The following DCP2 variants were observed in gnomAD, a reference collection of about 807,000 sequenced individuals.
DCP2 encodes the protein decapping mRNA 2.
DCP2 carries 30 observed loss-of-function variants against 56.1 expected under a neutral mutation model. The ratio of observed to expected loss-of-function variants is 0.53; its 90% confidence interval spans 0.40 to 0.73. The LOEUF (loss-of-function observed/expected upper bound fraction) is 0.73, where lower values mean the gene tolerates loss of function less well. Among genes scored for constraint, DCP2 ranks in the 30% least tolerant of loss-of-function variants. The pLI is 0.00. For synonymous variants in DCP2, 197 were observed against 163.3 expected (o/e 1.21, Z -1.57); for missense variants, 533 against 502.7 (o/e 1.06, Z -0.58).
chr5:112,983,096 C>T (rs769000709), intron 1 of DCP2, among the ~76,000 whole-genome samples: 10 of 152,226 alleles, frequency 6.6e-5, no homozygotes, highest in Non-Finnish European at 1.2e-4. Context: ...ATCACACAGA[C>T]TGCCATGCCA....
chr5:113,003,530 C>G (rs1319870502), intron 7 of DCP2, among the ~76,000 whole-genome samples: 3 of 152,062 alleles, frequency 2.0e-5, no homozygotes, highest in Non-Finnish European at 2.9e-5. Context: ...GAGCTGTGAT[C>G]CTGCCACTGC....
chr5:112,980,312 A>G (rs1291094856), intron 1 of DCP2, among the ~76,000 whole-genome samples: 1 of 152,178 alleles, frequency 6.6e-6, no homozygotes, highest in Admixed American at 6.5e-5. Context: ...GAAGAAAGGT[A>G]TTTTCTGGCA....
In DCP2 at chr5:113,001,595, T is replaced by C. The variant is rs1216954875; in HGVS notation, c.727T>C (p.Phe243Leu). Residue 243 changes from phenylalanine to leucine, a missense_variant, in exon 7 of 11, where the codon TTT (phenylalanine) becomes CTT (leucine). Phe to Leu is a conservative substitution (Grantham distance 22, BLOSUM62 0). Coordinates refer to ENST00000389063, the MANE Select transcript of DCP2 (RefSeq NM_152624.6). ...RPLRDWLSRRFGDSSDSDNGF... is the reference protein window; with the variant it reads ...RPLRDWLSRRLGDSSDSDNGF... ...ATTAAGGGACTGGCTTTCTCGAAGA[T>C]TTGGCGATTCCTCAGACAGTGACAA... 3.1e-6 allele frequency: 5 copies of C among 1,614,046 alleles called. No individual in the cohort carries two copies. The African/African-American group carries it at 5.3e-5, about 17-fold the overall frequency.
intron 4 of DCP2, among the ~76,000 whole-genome samples, chr5:112,998,374 G>T (rs532014629): frequency 6.6e-6 from 1 of 152,258 alleles, no homozygotes; most frequent in East Asian, 1.9e-4. Flanking sequence ...AGCAGAATAG[G>T]CTGCTGTCCA....
intron 1 of DCP2, among the ~76,000 whole-genome samples, 184 bp downstream of exon 1, chr5:112,977,170 CCT>C (rs1456403869): frequency 2.0e-5 from 3 of 152,298 alleles, no homozygotes; most frequent in African/African-American, 7.2e-5. Context: ...CCGCAGCCTC[CCT>C]GTTTCTCAAG....
intron 10 of DCP2, among the ~76,000 whole-genome samples, chr5:113,012,127 C>G (rs951127550): frequency 1.3e-5 from 2 of 152,094 alleles, no homozygotes; most frequent in Non-Finnish European, 2.9e-5. Flanking sequence ...CTTTTAAAAG[C>G]CGTATATTCA....
At chr5:112,996,936 T>TG (rs1421417597) in intron 4 of DCP2, among the ~76,000 whole-genome samples, 4 of 152,328 alleles carry the variant, frequency 2.6e-5, no homozygotes, top group Middle Eastern at 3.4e-3. Context: ...TTCCAATGGC[T>TG]GAGCAAAGGA....
In DCP2 at chr5:113,015,572, TA is replaced by T. The variant is rs1302051794; in HGVS notation, c.*2089del. ...AAATGTTACTGCTGTTGCGCTGCTT[TA>T]TTTAATGCACTGTGGAACAAAATAT... On this transcript the variant is annotated 3_prime_UTR_variant, in exon 11 of 11. Transcript: ENST00000389063. 1.3e-5 allele frequency: 2 copies of T among 152,644 alleles called. No homozygotes were observed. 9.5% of individuals were successfully genotyped at this position (152,644 alleles called of 1,614,324 possible). A position where few individuals can be genotyped will look rare whatever the true frequency, so the allele number is the denominator to read the frequency against.
intron 2 of DCP2, among the ~76,000 whole-genome samples, chr5:112,986,561 C>T (rs1748300515): frequency 6.6e-6 from 1 of 152,010 alleles, no homozygotes; most frequent in Non-Finnish European, 1.5e-5. Flanking sequence ...TGGTCTTGAA[C>T]TCCTGGCCTC....
intron 4 of DCP2, among the ~76,000 whole-genome samples, chr5:112,999,921 C>T (rs912398300): frequency 1.3e-5 from 2 of 151,676 alleles, no homozygotes; most frequent in Non-Finnish European, 2.9e-5. Context: ...ATTAGCTGGG[C>T]ATGGTGACAG....
chr5:112,977,043 C>T, intron 1 of DCP2, 57 bp downstream of exon 1: 1 of 1,380,792 alleles, frequency 7.2e-7, no homozygotes, highest in African/African-American at 1.5e-5. Flanking sequence ...TTTCGCGGAC[C>T]CCCAGAGGCC....
chr5:113,012,391 G>A (rs1275415355), intron 10 of DCP2, among the ~76,000 whole-genome samples: 4 of 152,104 alleles, frequency 2.6e-5, no homozygotes, highest in Non-Finnish European at 5.9e-5. Context: ...TTGGTATATC[G>A]ATCTTAGTTG....
At position 113,018,909 on chromosome 5, in the gene DCP2, T is replaced by C. The variant is rs1377776977; in HGVS notation, c.*5425T>C. ...GAGAAGGTGATCTCACTTTTGATGT[T>C]TGGGTCACCTGTGGACACCTGTGCT... is the stretch of plus-strand genomic sequence containing the variant. On this transcript the variant is annotated 3_prime_UTR_variant, in exon 11 of 11. Transcript: ENST00000389063. 3 of 152,236 alleles carry C rather than the reference T, an allele frequency of 2.0e-5. No homozygotes were observed. Among genetic ancestry groups the C allele is most frequent in the African/African-American group, 7.2e-5 (3 of 41,458 alleles). The allele number at this position is 152,236 out of a possible 1,614,324, so 9.4% of individuals were successfully genotyped here.
chr5:112,997,492 G>A (rs545588821), intron 4 of DCP2, among the ~76,000 whole-genome samples: 4 of 152,092 alleles, frequency 2.6e-5, no homozygotes, highest in Admixed American at 6.5e-5. Flanking sequence ...TTAATACAAA[G>A]CAACTATTGG....
At chr5:112,977,125 G>A in intron 1 of DCP2, 139 bp downstream of exon 1, 1 of 596,536 alleles carries the variant, frequency 1.7e-6, no homozygotes, top group Non-Finnish European at 2.8e-6. Context: ...TTCCATCGTC[G>A]ACCCTGCTCT....
At chr5:113,004,213 A>G in intron 8 of DCP2, 136 bp downstream of exon 8, 4 of 1,026,126 alleles carry the variant, frequency 3.9e-6, no homozygotes, top group Non-Finnish European at 5.5e-6. Context: ...TTCCTTACTT[A>G]TGATTTGAAG....
chr5:112,981,596 A>G (rs1233230465), intron 1 of DCP2, among the ~76,000 whole-genome samples: 1 of 152,184 alleles, frequency 6.6e-6, no homozygotes, highest in East Asian at 1.9e-4. Context: ...TTCAGCGGCT[A>G]GTTTCTTTTC....
At chr5:112,994,163 C>CTTTTTTT (rs771514208) in intron 4 of DCP2, among the ~76,000 whole-genome samples, 4 of 75,152 alleles carry the variant, frequency 5.3e-5, no homozygotes, top group African/African-American at 1.0e-4. Context: ...TTTTTTCTTT[C>CTTTTTTT]TTTTTTTTTT....
At chr5:112,977,412 T>C (rs1317750824) in intron 1 of DCP2, among the ~76,000 whole-genome samples, 1 of 152,044 alleles carries the variant, frequency 6.6e-6, no homozygotes, top group Admixed American at 6.6e-5. Flanking sequence ...ACCCCCAGGG[T>C]AGTAATTTAA....
Sources: allele counts gnomAD v4.1 joint callset (sites outside exome capture counted in the v4.1 genomes callset), GRCh38; gene constraint gnomAD v4.1.1; transcripts MANE v1.5; gene names NCBI Gene and HGNC (gene_info 2026-07-23, HGNC 2026-07-21).